ZMIZ1: variants seen among roughly 807,000 people sequenced by gnomAD.
ZMIZ1 encodes zinc finger MIZ-type containing 1.
ZMIZ1 carries 17 observed loss-of-function variants against 113.9 expected under a neutral mutation model. That is an observed-to-expected ratio of 0.15 (90% confidence interval 0.10 to 0.22). ZMIZ1 has a LOEUF of 0.22. ZMIZ1 is among the 10% of genes least tolerant of loss of function. The probability of loss-of-function intolerance (pLI) is 1.00; values close to 1 mark genes in which losing one functional copy is unlikely to be tolerated. For synonymous variants in ZMIZ1, 607 were observed against 603.1 expected (o/e 1.01, Z -0.09); for missense variants, 1,059 against 1,477.8 (o/e 0.72, Z 4.65).
rs1333742740 is a variant in ZMIZ1 at position 79,296,582 on chromosome 10, C to G, written c.1342C>G (p.Gln448Glu). The G allele has an allele frequency of 1.2e-6, 2 of 1,612,630 alleles. No homozygotes were observed. The highest frequency in any genetic ancestry group is 1.7e-5 in the Admixed American group (1 of 59,898). Residue 448 changes from glutamine (Q) to glutamate (E), a missense_variant, in exon 13 of 25, where the codon CAG becomes GAG. Physicochemically the swap from Gln to Glu is conservative, Grantham distance 29 (BLOSUM62 2). Coordinates refer to ENST00000334512, the MANE Select transcript of ZMIZ1 (RefSeq NM_020338.4). This position sits in a 1 kb window ranked among gnomAD's most constrained non-coding sequence, Gnocchi z 4.1. The stretch of plus-strand genomic sequence containing the variant: ...ACTCACCTCCCCCAACTACCCAGGA[C>G]AGAGGATGCCCAGCCAGCCGAGCTC... Reference protein sequence around the residue: ...RPLTSPNYPGQRMPSQPSSGQ... With the variant: ...RPLTSPNYPGERMPSQPSSGQ...
At chr10:79,179,638 G>C (rs774707462) in intron 4 of ZMIZ1, among the ~76,000 whole-genome samples, 2 of 152,230 alleles carry the variant, frequency 1.3e-5, no homozygotes, top group Admixed American at 6.5e-5. Flanking sequence ...CAGGCCCCAC[G>C]CACCGTCTCC....
chr10:79,193,121 A>G (rs1176969917), intron 4 of ZMIZ1, among the ~76,000 whole-genome samples: 2 of 151,810 alleles, frequency 1.3e-5, no homozygotes, highest in African/African-American at 4.8e-5. Context: ...CAGCTTCCAC[A>G]CCTCTCTGAG....
Position 79,200,496 on chromosome 10 carries a change from C to T in ZMIZ1, c.-49-1088C>T, listed in dbSNP as rs531133080. Among the ~76,000 whole-genome samples, 4 of 152,332 alleles carry T rather than the reference C, an allele frequency of 2.6e-5. No individual in the cohort carries two copies. In the East Asian group the frequency reaches 5.8e-4, roughly 22 times the overall value. The stretch of plus-strand genomic sequence containing the variant: ...TTCATGCTAATGGCCCTGAGCACTC[C>T]CTTCTCCTGCACTTCAGGAAGGGTG... On this transcript the variant is annotated intron_variant, in intron 4 of 24. Transcript: ENST00000334512.
At chr10:79,113,944 G>A (rs949043867) in intron 1 of ZMIZ1, among the ~76,000 whole-genome samples, 1 of 152,230 alleles carries the variant, frequency 6.6e-6, no homozygotes, top group African/African-American at 2.4e-5. Flanking sequence ...ATTTAATTAA[G>A]GGGGTTCCTG....
chr10:79,073,729 G>T (rs1277191384), intron 1 of ZMIZ1, among the ~76,000 whole-genome samples: 5 of 151,994 alleles, frequency 3.3e-5, no homozygotes, highest in African/African-American at 1.2e-4. Context: ...GGGTCTGCCT[G>T]GGGGTGCTCA....
At chr10:79,287,818 A>C (rs2802372) in intron 8 of ZMIZ1, among the ~76,000 whole-genome samples, 66,807 of 152,016 alleles carry the variant, frequency 0.44, 15,003 homozygotes, top group African/African-American at 0.49. Flanking sequence ...AGATTGAGTG[A>C]GGAAACTTGC....
chr10:79,311,286 G>T, intron 24 of ZMIZ1, 102 bp downstream of exon 24: 3 of 911,116 alleles, frequency 3.3e-6, no homozygotes, highest in African/African-American at 1.7e-5. Flanking sequence ...CCGAAGGGAG[G>T]AGGTGGGTGG....
intron 1 of ZMIZ1, among the ~76,000 whole-genome samples, chr10:79,077,503 G>T (rs964286108): frequency 6.6e-6 from 1 of 151,964 alleles, no homozygotes; most frequent in Non-Finnish European, 1.5e-5. Flanking sequence ...GGGAGGGGTG[G>T]GGTTTTCCAT....
intron 4 of ZMIZ1, among the ~76,000 whole-genome samples, chr10:79,193,517 G>A (rs578004875): frequency 6.4e-4 from 98 of 152,282 alleles, no homozygotes; most frequent in African/African-American, 1.8e-3. Flanking sequence ...AGCAATGGGC[G>A]TGCGTCCACC....
chr10:79,130,487 C>T (rs576930540), intron 2 of ZMIZ1, among the ~76,000 whole-genome samples: 1 of 152,338 alleles, frequency 6.6e-6, no homozygotes, highest in African/African-American at 2.4e-5. Context: ...CTGCCGTGCC[C>T]TTCTCAGACT....
In ZMIZ1 at chr10:79,299,114, C is replaced by A. The variant is rs1355934239; in HGVS notation, c.1731C>A (p.Phe577Leu). 6.2e-7 allele frequency: 1 copy of A among 1,612,498 alleles called. No individual in the cohort carries two copies. Among genetic ancestry groups the A allele is most frequent in the East Asian group, 2.2e-5 (1 of 44,876 alleles). The change falls in exon 16 of 25, where the codon TTC (phenylalanine) becomes TTA (leucine). Residue 577 changes from phenylalanine (F) to leucine (L), a missense_variant. Transcript: ENST00000334512. The part of the protein sequence containing the change: ...PVRDGVVLEP[F>L]RLEHNLAVSN... ...GGGATGGCGTGGTGCTGGAGCCCTT[C>A]CGCCTGGAGCACAACCTGGCGGTCA...
intron 4 of ZMIZ1, among the ~76,000 whole-genome samples, chr10:79,176,684 G>T (rs564039288): frequency 1.3e-5 from 2 of 150,140 alleles, no homozygotes; most frequent in Non-Finnish European, 3.0e-5. Context: ...TTTGGAGGTT[G>T]CAGGATCTAG....
chr10:79,292,085 C>A (rs1853531389), intron 10 of ZMIZ1, 73 bp from the exon 11 acceptor site: 4 of 1,428,658 alleles, frequency 2.8e-6, no homozygotes, highest in Non-Finnish European at 2.9e-6. Context: ...ATCTCCCTTC[C>A]AGCCCACAGC....
At chr10:79,120,327 C>T (rs1033302940) in intron 2 of ZMIZ1, among the ~76,000 whole-genome samples, 3 of 152,142 alleles carry the variant, frequency 2.0e-5, no homozygotes, top group African/African-American at 2.4e-5. Context: ...CATACACGGG[C>T]ACAAACTCTC....
chr10:79,262,387 C>A lies in ZMIZ1; in HGVS notation c.281-14794C>A, dbSNP rs577989941. Reference sequence around the variant, plus strand: ...TAATGCATGGGCAAGATTGAGAATCCCTGGCCTGGAGATCCAGGCTGCAGT... The same window carrying A: ...TAATGCATGGGCAAGATTGAGAATCACTGGCCTGGAGATCCAGGCTGCAGT... On this transcript the variant is annotated intron_variant, in intron 7 of 24. Coordinates refer to ENST00000334512, the MANE Select transcript of ZMIZ1 (RefSeq NM_020338.4). Among the ~76,000 whole-genome samples, 3 of 152,336 alleles carry A rather than the reference C, an allele frequency of 2.0e-5. No homozygotes were observed. In the South Asian group the frequency reaches 6.2e-4, roughly 32 times the overall value.
intron 17 of ZMIZ1, 63 bp downstream of exon 17, chr10:79,301,005 G>A (rs1216678468): frequency 1.3e-6 from 2 of 1,584,514 alleles, no homozygotes; most frequent in Non-Finnish European, 1.7e-6. Flanking sequence ...GCATGAGAGT[G>A]CGGAATACCC....
chr10:79,300,831 C>T lies in ZMIZ1; in HGVS notation c.1908C>T (p.Pro636=), dbSNP rs766426540. 2 of 1,613,874 alleles carry T rather than the reference C, an allele frequency of 1.2e-6. No homozygotes were observed. The highest frequency in any genetic ancestry group is 1.7e-4 in the Middle Eastern group (1 of 6,058). ...TGCAGGTCAGCGTGAACGCCACGCCCCTCACCATTGAGCGCGGCGACAACA... is the reference window on the plus strand; with the variant it reads ...TGCAGGTCAGCGTGAACGCCACGCCTCTCACCATTGAGCGCGGCGACAACA... ...ASVQVSVNAT[P]LTIERGDNKT... Residue 636 remains proline, a synonymous_variant, in exon 17 of 25, where the codon CCC becomes CCT. Transcript: ENST00000334512.
chr10:79,187,746 T>C (rs193120955), intron 4 of ZMIZ1, among the ~76,000 whole-genome samples: 1 of 152,320 alleles, frequency 6.6e-6, no homozygotes, highest in East Asian at 1.9e-4. Context: ...GTGTCCTGTG[T>C]CCCTCCCAGG....
At chr10:79,271,923 C>A (rs1851972327) in intron 7 of ZMIZ1, among the ~76,000 whole-genome samples, 1 of 152,158 alleles carries the variant, frequency 6.6e-6, no homozygotes, top group South Asian at 2.1e-4. Flanking sequence ...GCTCTTCGTG[C>A]TAACTACATG....
Sources: allele counts gnomAD v4.1 joint callset (sites outside exome capture counted in the v4.1 genomes callset), GRCh38; gene constraint gnomAD v4.1.1; non-coding constraint Gnocchi (gnomAD v3.1); transcripts MANE v1.5; gene names NCBI Gene and HGNC (gene_info 2026-07-23, HGNC 2026-07-21).